The following MAPT variants were observed in gnomAD, a reference collection of about 807,000 sequenced individuals.
The protein encoded by MAPT is microtubule associated protein tau.
A neutral mutation model predicts 67.9 loss-of-function variants in MAPT; 34 were observed. That is an observed-to-expected ratio of 0.50 (90% CI 0.38 to 0.67). The LOEUF is 0.67. Ranked by LOEUF, MAPT falls within the 30% of genes least tolerant of loss-of-function variation. The probability of loss-of-function intolerance (pLI) is 0.00; values close to 1 mark genes in which losing one functional copy is unlikely to be tolerated. For synonymous variants in MAPT, 456 were observed against 464.5 expected (o/e 0.98, Z 0.23); for missense variants, 881 against 1,115.2 (o/e 0.79, Z 2.99).
chr17:46,014,372 G>T (rs1225023852), intron 11 of MAPT, 48 bp downstream of exon 11: 3 of 1,351,576 alleles, frequency 2.2e-6, no homozygotes, highest in African/African-American at 1.4e-5. Flanking sequence ...GCAGGGGGTG[G>T]AGGAGTCCTG....
chr17:45,924,607 C>T (rs914362397), intron 1 of MAPT, among the ~76,000 whole-genome samples: 1 of 152,254 alleles, frequency 6.6e-6, no homozygotes, highest in Non-Finnish European at 1.5e-5. Flanking sequence ...CTCAGGGCCC[C>T]AAGCCCCCAT....
chr17:45,926,250 A>G (rs1040962322), intron 1 of MAPT, among the ~76,000 whole-genome samples: 1 of 147,132 alleles, frequency 6.8e-6, no homozygotes, highest in South Asian at 2.1e-4. Flanking sequence ...AAACAGTAGC[A>G]GACATAACTA....
rs780862453 is a variant in MAPT at position 46,010,397 on chromosome 17, G to A, written c.2086G>A (p.Gly696Ser). The change falls in exon 10 of 13, where the codon GGC becomes AGC. Residue 696 changes from glycine to serine, a missense_variant. Gly to Ser is a moderately conservative substitution (Grantham distance 56). Coordinates refer to ENST00000262410, the MANE Select transcript of MAPT (RefSeq NM_001377265.1). This position sits in a 1 kb window ranked among gnomAD's most constrained non-coding sequence, Gnocchi z 4.7. Reference sequence around the variant, plus strand: ...TAATATCAAACACGTCCCGGGAGGCGGCAGTGTGAGTACCTTCACACGTCC... The same window carrying A: ...TAATATCAAACACGTCCCGGGAGGCAGCAGTGTGAGTACCTTCACACGTCC... ...KDNIKHVPGG[G>S]SVQIVYKPVD... The A allele has an allele frequency of 5.7e-6, 9 of 1,569,512 alleles. No individual in the cohort carries two copies. The highest frequency in any genetic ancestry group is 1.9e-5 in the Admixed American group (1 of 53,270).
chr17:45,989,725 G>A (rs1003305787), intron 6 of MAPT, among the ~76,000 whole-genome samples, 153 bp from the exon 7 acceptor site: 3 of 152,136 alleles, frequency 2.0e-5, no homozygotes, highest in African/African-American at 7.2e-5. Context: ...TGATCAGAAG[G>A]GATATTAAGG....
chr17:45,980,897 G>T (rs1294280249), intron 4 of MAPT, among the ~76,000 whole-genome samples: 2 of 152,144 alleles, frequency 1.3e-5, no homozygotes, highest in South Asian at 4.1e-4. Flanking sequence ...CTCCCATAAG[G>T]CACCTGCAGA....
At chr17:46,020,321 C>T (rs536529535) in intron 12 of MAPT, among the ~76,000 whole-genome samples, 4 of 152,164 alleles carry the variant, frequency 2.6e-5, no homozygotes, top group East Asian at 3.9e-4. Context: ...GTGTGTGTGG[C>T]GCTGGGTGAG....
chr17:46,025,415 C>T lies in MAPT; in HGVS notation c.*1244C>T, dbSNP rs750128201. 1 of 152,902 alleles carries T rather than the reference C, an allele frequency of 6.5e-6. No individual in the cohort carries two copies. The highest frequency in any genetic ancestry group is 1.5e-5 in the Non-Finnish European group (1 of 68,270). The allele number at this position is 152,902 out of a possible 1,614,324, so 9.5% of individuals were successfully genotyped here. A position where few individuals can be genotyped will look rare whatever the true frequency, so the allele number is the denominator to read the frequency against. ...TCCCGAATTCCCAGCCTCACCACCCCTTCTCAGTAATGACCCTGGTTGGTT... is the reference window on the plus strand; with the variant it reads ...TCCCGAATTCCCAGCCTCACCACCCTTTCTCAGTAATGACCCTGGTTGGTT... On this transcript the variant is annotated 3_prime_UTR_variant, in exon 13 of 13. Coordinates refer to ENST00000262410, the MANE Select transcript of MAPT (RefSeq NM_001377265.1).
At chr17:45,962,866 A>G (rs2070605759) in intron 2 of MAPT, among the ~76,000 whole-genome samples, 1 of 152,120 alleles carries the variant, frequency 6.6e-6, no homozygotes, top group South Asian at 2.1e-4. Flanking sequence ...TCAAGGTTGC[A>G]GTAAGCTGTG....
chr17:45,932,987 C>T (rs982571991), intron 1 of MAPT, among the ~76,000 whole-genome samples: 5 of 152,046 alleles, frequency 3.3e-5, no homozygotes, highest in African/African-American at 9.7e-5. Context: ...GAGGGTGAGG[C>T]AGGAGAATCT....
At chr17:45,979,567 C>T (rs189819817) in intron 4 of MAPT, 8 of 152,310 alleles carry the variant, frequency 5.3e-5, no homozygotes, top group African/African-American at 1.7e-4. Flanking sequence ...CAGAAAGGCA[C>T]ATTTTCGTTC....
intron 2 of MAPT, among the ~76,000 whole-genome samples, chr17:45,969,871 T>C (rs1240678854): frequency 1.3e-5 from 2 of 151,402 alleles, no homozygotes; most frequent in Non-Finnish European, 2.9e-5. Context: ...CATCCAATTA[T>C]CCATCATTCC....
intron 5 of MAPT, 68 bp from the exon 6 acceptor site, chr17:45,986,972 C>T (rs2073609448): frequency 2.1e-6 from 3 of 1,404,068 alleles, no homozygotes; most frequent in African/African-American, 1.4e-5. Context: ...TCCAGCTTCA[C>T]CACAGCTGGC....
chr17:45,994,455 T>C (rs1036906871), intron 8 of MAPT, among the ~76,000 whole-genome samples: 1 of 152,012 alleles, frequency 6.6e-6, no homozygotes, highest in African/African-American at 2.4e-5. Flanking sequence ...CCCCATCTGT[T>C]GTTTCCTTAT....
rs1326726174 is a variant in MAPT at position 46,010,203 on chromosome 17, C to G, written c.1999-107C>G. 5.2e-6 allele frequency: 4 copies of G among 763,580 alleles called. No homozygotes were observed. Among genetic ancestry groups the G allele is most frequent in the Non-Finnish European group, 9.3e-6 (4 of 429,512 alleles). 47.3% of individuals were successfully genotyped at this position (763,580 alleles called of 1,614,324 possible). A position where few individuals can be genotyped will look rare whatever the true frequency, so the allele number is the denominator to read the frequency against. On this transcript the variant is annotated intron_variant, in intron 9 of 12. Transcript: ENST00000262410. This position sits in a 1 kb window ranked among gnomAD's most constrained non-coding sequence, Gnocchi z 4.7. ...GGAGGCATCCTTGCGAGCAAGTAGGCGGGTCCAGGGTGGCGCATGTCACTC... is the reference window on the plus strand; with the variant it reads ...GGAGGCATCCTTGCGAGCAAGTAGGGGGGTCCAGGGTGGCGCATGTCACTC...
chr17:45,973,692 T>C (rs1160903997), intron 3 of MAPT: 3 of 152,372 alleles, frequency 2.0e-5, no homozygotes, highest in Non-Finnish European at 4.4e-5. Flanking sequence ...GGACGCTGAT[T>C]TGGAAGCATT....
chr17:45,912,741 C>T (rs2064886248), intron 1 of MAPT, among the ~76,000 whole-genome samples: 1 of 152,202 alleles, frequency 6.6e-6, no homozygotes, highest in African/African-American at 2.4e-5. Context: ...ATGTTTGTGA[C>T]ACACACCAAA....
At chr17:45,974,237 C>G in intron 3 of MAPT, 1 of 683,426 alleles carries the variant, frequency 1.5e-6, no homozygotes, top group Non-Finnish European at 2.7e-6. Context: ...AGCAGGGGCT[C>G]CGGGCCCTAC....
chr17:45,941,959 C>T (rs1012535495), intron 1 of MAPT, among the ~76,000 whole-genome samples: 2 of 151,972 alleles, frequency 1.3e-5, no homozygotes, highest in African/African-American at 4.8e-5. Context: ...TTGATCTAGA[C>T]CCACAGGGCA....
At chr17:45,904,308 TAAAAAC>T (rs2064091680) in intron 1 of MAPT, among the ~76,000 whole-genome samples, 2 of 41,494 alleles carry the variant, frequency 4.8e-5, no homozygotes, top group Non-Finnish European at 1.0e-4. Context: ...ATAATATATA[TAAAAAC>T]ATATATAATA....
Sources: allele counts gnomAD v4.1 joint callset (sites outside exome capture counted in the v4.1 genomes callset), GRCh38; gene constraint gnomAD v4.1.1; non-coding constraint Gnocchi (gnomAD v3.1); transcripts MANE v1.5; gene names NCBI Gene and HGNC (gene_info 2026-07-23, HGNC 2026-07-21).